The following KIAA1328 variants were observed in gnomAD, a reference collection of about 807,000 sequenced individuals.
KIAA1328 encodes the protein protein hinderin.
In KIAA1328, 52 loss-of-function variants were observed where a neutral mutation model predicts 68.1. The observed-to-expected ratio is 0.76, with a 90% CI of 0.61 to 0.96. KIAA1328 has a LOEUF of 0.96. Among genes scored for constraint, KIAA1328 ranks in the 40% least tolerant of loss-of-function variants. The pLI is 0.00. For synonymous variants in KIAA1328, 232 were observed against 239.4 expected (o/e 0.97, Z 0.28); for missense variants, 641 against 677.6 (o/e 0.95, Z 0.60).
At chr18:37,082,007 T>C (rs191475235) in intron 7 of KIAA1328, among the ~76,000 whole-genome samples, 1 of 152,300 alleles carries the variant, frequency 6.6e-6, no homozygotes. Flanking sequence ...ACATATTTAC[T>C]AAGCCCTCTA....
At chr18:36,880,261 G>A (rs1369416446) in intron 4 of KIAA1328, among the ~76,000 whole-genome samples, 2 of 152,176 alleles carry the variant, frequency 1.3e-5, no homozygotes, top group African/African-American at 2.4e-5. Flanking sequence ...GTCCCTCAGG[G>A]CTTCCCTTTG....
intron 7 of KIAA1328, among the ~76,000 whole-genome samples, chr18:37,133,253 AC>A (rs1287157907): frequency 2.0e-5 from 3 of 150,638 alleles, no homozygotes; most frequent in African/African-American, 7.3e-5. Context: ...AATCGCTTGA[AC>A]CCGGGAGGCA....
chr18:37,130,968 A>C (rs1318498165), intron 7 of KIAA1328, among the ~76,000 whole-genome samples: 1 of 152,158 alleles, frequency 6.6e-6, no homozygotes, highest in African/African-American at 2.4e-5. Context: ...TTGGGTAATT[A>C]ATAATATGAA....
At chr18:37,100,035 C>T (rs2057551440) in intron 7 of KIAA1328, among the ~76,000 whole-genome samples, 1 of 152,160 alleles carries the variant, frequency 6.6e-6, no homozygotes. Flanking sequence ...ATCCAATTTG[C>T]CAGTCTGTGT....
chr18:36,886,805 C>T (rs955228921), intron 5 of KIAA1328, among the ~76,000 whole-genome samples: 5 of 151,898 alleles, frequency 3.3e-5, no homozygotes, highest in South Asian at 2.1e-4. Flanking sequence ...CTGCAAATGT[C>T]GAAAATGGTC....
Position 37,100,011 on chromosome 18 carries a change from G to A in KIAA1328, c.1232+32466G>A, listed in dbSNP as rs191460920. Among the ~76,000 whole-genome samples the A allele has an allele frequency of 3.5e-3, 538 of 152,182 alleles. 3 individuals carry two copies. Among genetic ancestry groups the A allele is most frequent in the Admixed American group, 6.0e-3 (91 of 15,282 alleles). On this transcript the variant is annotated intron_variant, in intron 7 of 9. Coordinates refer to ENST00000280020, the MANE Select transcript of KIAA1328 (RefSeq NM_020776.3). The stretch of plus-strand genomic sequence containing the variant: ...GTTTCCTGAATGCAGCACACTGATG[G>A]GTCTTGACTCTTTATCCAATTTGCC...
intron 6 of KIAA1328, among the ~76,000 whole-genome samples, chr18:36,999,678 A>G (rs913434060): frequency 6.6e-6 from 1 of 152,222 alleles, no homozygotes; most frequent in East Asian, 1.9e-4. Flanking sequence ...ATCCAGCAAA[A>G]TTAGTCCTCA....
chr18:37,089,911 T>C (rs188609703), intron 7 of KIAA1328, among the ~76,000 whole-genome samples: 42 of 152,366 alleles, frequency 2.8e-4, no homozygotes, highest in Non-Finnish European at 5.0e-4. Flanking sequence ...AAACAACTTA[T>C]GACTTTTGAA....
At chr18:36,908,643 G>A (rs1372109780) in intron 5 of KIAA1328, among the ~76,000 whole-genome samples, 1 of 152,164 alleles carries the variant, frequency 6.6e-6, no homozygotes, top group African/African-American at 2.4e-5. Flanking sequence ...CCTGGCCCAT[G>A]AAGATTTTTA....
intron 5 of KIAA1328, among the ~76,000 whole-genome samples, chr18:36,903,269 C>G (rs1286836920): frequency 6.6e-6 from 1 of 152,006 alleles, no homozygotes; most frequent in Non-Finnish European, 1.5e-5. Flanking sequence ...AGATCTCTTG[C>G]CTTGAATTTT....
chr18:37,112,494 A>G (rs2057962732), intron 7 of KIAA1328, among the ~76,000 whole-genome samples: 1 of 152,204 alleles, frequency 6.6e-6, no homozygotes, highest in South Asian at 2.1e-4. Flanking sequence ...CCAAAACCCC[A>G]TCTGTACATC....
chr18:37,198,812 T>A (rs2060052136), intron 9 of KIAA1328, among the ~76,000 whole-genome samples: 1 of 152,192 alleles, frequency 6.6e-6, no homozygotes, highest in South Asian at 2.1e-4. Context: ...GCCATCTGTT[T>A]AGGGTAAATA....
chr18:36,850,350 G>T (rs2047171760), intron 4 of KIAA1328, among the ~76,000 whole-genome samples: 2 of 151,798 alleles, frequency 1.3e-5, no homozygotes, highest in Non-Finnish European at 2.9e-5. Flanking sequence ...AAACTTTACT[G>T]AATTTGTTAA....
chr18:36,829,363 G>A (rs1432327032), intron 1 of KIAA1328, 167 bp downstream of exon 1: 1 of 1,378,832 alleles, frequency 7.3e-7, no homozygotes, highest in South Asian at 1.7e-5. Flanking sequence ...CCTTGCTTGG[G>A]TGTTAGGTGG....
downstream of KIAA1328, chr18:37,230,471 G>A (rs2060659525): frequency 6.6e-6 from 1 of 152,158 alleles, no homozygotes; most frequent in Non-Finnish European, 1.5e-5. Context: ...TACTGTGCTG[G>A]AATGGCCTGT....
chr18:37,028,460 A>G (rs1278013758), intron 6 of KIAA1328, among the ~76,000 whole-genome samples: 1 of 151,730 alleles, frequency 6.6e-6, no homozygotes, highest in Admixed American at 6.6e-5. Flanking sequence ...ATATAAAAAC[A>G]TATAGTCTGT....
chr18:36,926,838 G>A lies in KIAA1328; in HGVS notation c.449-32470G>A, dbSNP rs73947066. Among the ~76,000 whole-genome samples, 451 of 152,230 alleles carry A rather than the reference G, an allele frequency of 3.0e-3. 3 individuals are homozygous for A. Among genetic ancestry groups the A allele is most frequent in the African/African-American group, 8.9e-3 (371 of 41,548 alleles). ...TGCAAAGAAAAGACGTGTAATTGGC[G>A]CATGGTTCTGCATGCTTTATAGGAA... On this transcript the variant is annotated intron_variant, in intron 5 of 9. Coordinates refer to ENST00000280020, the MANE Select transcript of KIAA1328 (RefSeq NM_020776.3).
chr18:37,116,489 A>G (rs1324106887), intron 7 of KIAA1328, among the ~76,000 whole-genome samples: 4 of 152,216 alleles, frequency 2.6e-5, no homozygotes, highest in African/African-American at 7.2e-5. Context: ...TCCCTTCCTT[A>G]CACCTTATAC....
chr18:36,974,492 C>A (rs1215396358), intron 6 of KIAA1328, among the ~76,000 whole-genome samples: 2 of 151,952 alleles, frequency 1.3e-5, no homozygotes, highest in African/African-American at 4.8e-5. Context: ...TCTTTTTTTG[C>A]GGATGAATAG....
Sources: gnomAD v4.1 joint callset for allele counts (sites outside exome capture counted in the v4.1 genomes callset) on GRCh38, gnomAD v4.1.1 for gene constraint, MANE v1.5 for transcripts, NCBI Gene and HGNC (gene_info 2026-07-23, HGNC 2026-07-21) for gene names.